PCDHGB2: variants seen among roughly 807,000 people sequenced by gnomAD.
The protein encoded by PCDHGB2 is protocadherin gamma subfamily B, 2, also known as protocadherin gamma-B2.
PCDHGB2 carries 55 observed loss-of-function variants against 59.3 expected under a neutral mutation model. The ratio of observed to expected loss-of-function variants is 0.93; its 90% CI spans 0.75 to 1.16. The LOEUF (loss-of-function observed/expected upper bound fraction) is 1.16. Ranked by LOEUF, PCDHGB2 falls within the 50% of genes most tolerant of loss-of-function variation. PCDHGB2 has a pLI of 0.00. For synonymous variants in PCDHGB2, 516 were observed against 512.0 expected, an observed-to-expected ratio of 1.01 and a Z score of -0.11; for missense variants, 1,228 against 1,198.5, an observed-to-expected ratio of 1.02 and a Z score of -0.36.
At chr5:141,369,282 C>T (rs908116391) in intron 1 of PCDHGB2, among the ~76,000 whole-genome samples, 3 of 152,074 alleles carry the variant, frequency 2.0e-5, no homozygotes, top group Admixed American at 2.0e-4. Flanking sequence ...ATTCACTCCC[C>T]AATCCTAATA....
intron 1 of PCDHGB2, chr5:141,421,419 A>T (rs778839137): frequency 1.2e-6 from 2 of 1,614,072 alleles, no homozygotes; most frequent in Non-Finnish European, 1.7e-6. Context: ...CGAAGCGCGG[A>T]GTCCGCATCG....
Position 141,491,898 on chromosome 5 carries a change from G to C in PCDHGB2, c.2422-2909G>C, listed in dbSNP as rs772673872. 9.0e-5 allele frequency: 129 copies of C among 1,428,816 alleles called. 1 individual carries two copies. In the Middle Eastern group the frequency reaches 2.0e-3, roughly 22 times the overall value. The allele number at this position is 1,428,816 out of a possible 1,614,324, so 88.5% of individuals were successfully genotyped here. On this transcript the variant is annotated intron_variant, in intron 1 of 3. Coordinates refer to ENST00000522605, the MANE Select transcript of PCDHGB2 (RefSeq NM_018923.3). The surrounding 1 kb of genome is among the most constrained non-coding windows in gnomAD (Gnocchi z 6.9). ...ATTAAGGGATGGGGCTCCGAGCACCGGGGGTGGTGGCGACTGTGGGCGAGG... is the reference window on the plus strand; with the variant it reads ...ATTAAGGGATGGGGCTCCGAGCACCCGGGGTGGTGGCGACTGTGGGCGAGG...
chr5:141,483,779 A>G (rs1259583177), intron 1 of PCDHGB2, among the ~76,000 whole-genome samples: 2 of 152,146 alleles, frequency 1.3e-5, no homozygotes, highest in Non-Finnish European at 2.9e-5. Context: ...TTGGGGAAGG[A>G]TAAGAACTCC....
rs753051237 is a variant in PCDHGB2, at chr5:141,490,422, A to G, written c.2422-4385A>G. On this transcript the variant is annotated intron_variant, in intron 1 of 3. Coordinates refer to ENST00000522605, the MANE Select transcript of PCDHGB2 (RefSeq NM_018923.3). This position sits in a 1 kb window ranked among gnomAD's most constrained non-coding sequence, Gnocchi z 5.4. Reference sequence around the variant, plus strand: ...GCCTTGATATCTCTCCGGACCTGCCATTTCAGATTAAGCCTTCTGAGAACC... The same window carrying G: ...GCCTTGATATCTCTCCGGACCTGCCGTTTCAGATTAAGCCTTCTGAGAACC... 1 of 1,614,178 alleles carries G rather than the reference A, an allele frequency of 6.2e-7. No individual in the cohort carries two copies. The highest frequency in any genetic ancestry group is 1.7e-5 in the Admixed American group (1 of 60,030).
intron 1 of PCDHGB2, chr5:141,419,929 T>C: frequency 6.2e-7 from 1 of 1,614,076 alleles, no homozygotes; most frequent in Non-Finnish European, 8.5e-7. Context: ...AGATGCAGTT[T>C]TACCTGGTGG....
rs1298448753 is a variant in PCDHGB2 at position 141,486,417 on chromosome 5, G to A, written c.2422-8390G>A. 1 of 1,614,132 alleles carries A rather than the reference G, an allele frequency of 6.2e-7. No individual in the cohort carries two copies. Among genetic ancestry groups the A allele is most frequent in the Non-Finnish European group, 8.5e-7 (1 of 1,179,998 alleles). ...CTGGTGACTGCTGGACCCTTGGATC[G>A]AGAGGCCAAATCTAGCTATGACATC... On this transcript the variant is annotated intron_variant, in intron 1 of 3. Transcript: ENST00000522605. The surrounding 1 kb of genome is among the most constrained non-coding windows in gnomAD (Gnocchi z 5.0).
chr5:141,422,975 C>T (rs751065595), intron 1 of PCDHGB2: 130 of 1,614,092 alleles, frequency 8.1e-5, no homozygotes, highest in Non-Finnish European at 1.0e-4. Context: ...CCCCGCTCTG[C>T]GGAACCTGGC....
chr5:141,372,645 T>G (rs1317150065), intron 1 of PCDHGB2: 2 of 1,613,914 alleles, frequency 1.2e-6, no homozygotes, highest in African/African-American at 2.7e-5. Context: ...TTTGCCTTAT[T>G]CCTACAATCC....
chr5:141,401,516 T>G (rs375937507), intron 1 of PCDHGB2, among the ~76,000 whole-genome samples: 3 of 152,320 alleles, frequency 2.0e-5, no homozygotes, highest in South Asian at 2.1e-4. Context: ...CTCTATATAA[T>G]TACCAGAAGA....
intron 1 of PCDHGB2, chr5:141,388,297 T>C (rs2091308790): frequency 1.9e-6 from 3 of 1,613,660 alleles, no homozygotes; most frequent in African/African-American, 2.7e-5. Flanking sequence ...CAAAATTCCT[T>C]TGAGCTGCAA....
rs34152666 is a variant in PCDHGB2 at position 141,428,860 on chromosome 5, C to CT, written c.2422-65934dup. 6.7e-4 allele frequency: 98 copies of CT among 145,544 alleles called. 1 individual carries two copies. The highest frequency in any genetic ancestry group is 1.4e-3 in the East Asian group (7 of 4,990). 9.0% of individuals were successfully genotyped at this position (145,544 alleles called of 1,614,324 possible). On this transcript the variant is annotated intron_variant, in intron 1 of 3. Transcript: ENST00000522605. ...ACATTTTCACCATTTTTACGGGAGA[C>CT]TTTTTTTTTTTTTGGACGGAGTCTC...
chr5:141,364,955 G>T (rs267600453), intron 1 of PCDHGB2: 1 of 1,613,906 alleles, frequency 6.2e-7, no homozygotes, highest in East Asian at 2.2e-5. Context: ...GACTGTTCAC[G>T]ACCTCCTCCT....
At chr5:141,415,284 G>A (rs186109113) in intron 1 of PCDHGB2, 27 of 1,614,198 alleles carry the variant, frequency 1.7e-5, no homozygotes, top group Non-Finnish European at 2.3e-5. Context: ...CGGTGGCCGC[G>A]GTCTCCTGCG....
intron 1 of PCDHGB2, chr5:141,392,764 C>G: frequency 6.8e-7 from 1 of 1,480,722 alleles, no homozygotes; most frequent in Non-Finnish European, 9.0e-7. Flanking sequence ...CTAAATAAGA[C>G]CCATTTATGC....
At chr5:141,419,419 C>T (rs767018815) in intron 1 of PCDHGB2, 1 of 1,613,266 alleles carries the variant, frequency 6.2e-7, no homozygotes, top group Non-Finnish European at 8.5e-7. Flanking sequence ...AGCGCGCCTT[C>T]GACCACGAGC....
In PCDHGB2 at chr5:141,431,279, C is replaced by G. The variant is rs1163372308; in HGVS notation, c.2422-63528C>G. Reference sequence around the variant, plus strand: ...CTCTCTGCAGAGCTACGAGCTCAGCCCGAACACTCACTTCTCCCTCATCGT... The same window carrying G: ...CTCTCTGCAGAGCTACGAGCTCAGCGCGAACACTCACTTCTCCCTCATCGT... On this transcript the variant is annotated intron_variant, in intron 1 of 3. Coordinates refer to ENST00000522605, the MANE Select transcript of PCDHGB2 (RefSeq NM_018923.3). This position sits in a 1 kb window ranked among gnomAD's most constrained non-coding sequence, Gnocchi z 4.8. 1 of 1,614,028 alleles carries G rather than the reference C, an allele frequency of 6.2e-7. No individual in the cohort carries two copies. Among genetic ancestry groups the G allele is most frequent in the African/African-American group, 1.3e-5 (1 of 74,926 alleles).
intron 1 of PCDHGB2, chr5:141,478,291 C>T: frequency 1.9e-6 from 3 of 1,614,144 alleles, no homozygotes; most frequent in East Asian, 2.2e-5. Context: ...AGTCTAGAGA[C>T]CTATACCGAG....
intron 1 of PCDHGB2, chr5:141,413,858 G>T: frequency 6.2e-7 from 1 of 1,613,258 alleles, no homozygotes; most frequent in Non-Finnish European, 8.5e-7. Context: ...CTCCGATCTG[G>T]CACTGTCCTT....
At chr5:141,400,400 C>A (rs375490385) in intron 1 of PCDHGB2, 2 of 1,614,000 alleles carry the variant, frequency 1.2e-6, no homozygotes, top group Admixed American at 3.3e-5. Flanking sequence ...ACAGGAAAGA[C>A]GGAGTTTAAT....
Sources: allele counts gnomAD v4.1 joint callset (sites outside exome capture counted in the v4.1 genomes callset), GRCh38; gene constraint gnomAD v4.1.1; non-coding constraint Gnocchi (gnomAD v3.1); transcripts MANE v1.5; gene names NCBI Gene and HGNC (gene_info 2026-07-23, HGNC 2026-07-21).